KDM4A: variants seen among roughly 807,000 people sequenced by gnomAD.
KDM4A encodes the protein lysine demethylase 4A, also known as lysine-specific demethylase 4A.
KDM4A carries 23 observed loss-of-function variants against 127.1 expected under a neutral mutation model. The ratio of observed to expected loss-of-function variants is 0.18; its 90% CI spans 0.13 to 0.26. The LOEUF is 0.26. KDM4A is among the 10% of genes least tolerant of loss of function. The pLI is 1.00. For synonymous variants in KDM4A, 443 were observed against 466.5 expected, an observed-to-expected ratio of 0.95 and a Z score of 0.65; for missense variants, 890 against 1,329.1, an observed-to-expected ratio of 0.67 and a Z score of 5.14.
Position 43,667,794 on chromosome 1 carries a change from T to G in KDM4A, c.938T>G (p.Val313Gly). The change falls in exon 9 of 22, where the codon GTG (valine) becomes GGG (glycine). Residue 313 changes from valine to glycine, a missense_variant. By Grantham distance (109) the Val-to-Gly change is moderately radical. Transcript: ENST00000372396. ...CAGTGCTCCTGTAGAAAGGACATGG[T>G]GAAGATCTCCATGGATGTGTTTGTG... is the stretch of plus-strand genomic sequence containing the variant. ...AVLCSCRKDM[V>G]KISMDVFVRK... 1 of 1,614,116 alleles carries G rather than the reference T, an allele frequency of 6.2e-7. No homozygotes were observed. Among genetic ancestry groups the G allele is most frequent in the Non-Finnish European group, 8.5e-7 (1 of 1,179,998 alleles).
intron 4 of KDM4A, 152 bp downstream of exon 4, chr1:43,660,564 A>G (rs1660349932): frequency 1.8e-6 from 2 of 1,139,236 alleles, no homozygotes; most frequent in Non-Finnish European, 2.4e-6. Flanking sequence ...GTGCTGGCCT[A>G]ATTGTGGGCC....
chr1:43,683,441 G>T (rs1269164648), intron 11 of KDM4A, among the ~76,000 whole-genome samples: 2 of 152,210 alleles, frequency 1.3e-5, no homozygotes, highest in Non-Finnish European at 2.9e-5. Context: ...GTTTCAGGCT[G>T]CTCCTAAGAA....
chr1:43,664,869 G>C (rs1008047786), intron 5 of KDM4A, among the ~76,000 whole-genome samples: 3 of 152,174 alleles, frequency 2.0e-5, no homozygotes, highest in African/African-American at 7.2e-5. Flanking sequence ...AGAGCCTTCT[G>C]TATAGGGTTG....
intron 4 of KDM4A, among the ~76,000 whole-genome samples, chr1:43,661,576 T>G (rs1233911398): frequency 8.5e-6 from 1 of 118,004 alleles, no homozygotes; most frequent in Admixed American, 1.2e-4. Flanking sequence ...ACCACTGCAC[T>G]CCAGCCTGGG....
At chr1:43,698,194 T>G (rs1390842782) in intron 19 of KDM4A, among the ~76,000 whole-genome samples, 181 bp downstream of exon 19, 1 of 152,200 alleles carries the variant, frequency 6.6e-6, no homozygotes, top group East Asian at 1.9e-4. Flanking sequence ...TGCGTGCTGC[T>G]AGGGTACCCT....
chr1:43,666,453 CTTT>C lies in KDM4A; in HGVS notation c.678_680del (p.Phe227del). On this transcript the variant is annotated inframe_deletion and splice_region_variant, in exon 7 of 22. Transcript: ENST00000372396. Reference sequence around the variant, plus strand: ...ACCTGTACCCTTTCAATTAAATAGGCTTTTTCCCAGGAAGTGCTCAAAGCTGTG... The same window carrying C: ...ACCTGTACCCTTTCAATTAAATAGGCTTCCCAGGAAGTGCTCAAAGCTGTG... 1 of 1,613,834 alleles carries C rather than the reference CTTT, an allele frequency of 6.2e-7. No homozygotes were observed. The highest frequency in any genetic ancestry group is 8.5e-7 in the Non-Finnish European group (1 of 1,179,722).
chr1:43,666,853 C>A, intron 7 of KDM4A, 101 bp from the exon 8 acceptor site: 2 of 1,238,858 alleles, frequency 1.6e-6, no homozygotes, highest in Non-Finnish European at 2.3e-6. Flanking sequence ...GGTTTTATGA[C>A]TTACCCTTTG....
intron 11 of KDM4A, among the ~76,000 whole-genome samples, chr1:43,673,212 G>C (rs1660666545): frequency 6.6e-6 from 1 of 152,124 alleles, no homozygotes; most frequent in Non-Finnish European, 1.5e-5. Context: ...TGGAGCTTAT[G>C]TGGGTCAAGC....
At chr1:43,654,702 AGTGTGTGT>A (rs58710892) in intron 2 of KDM4A, among the ~76,000 whole-genome samples, 4,814 of 131,870 alleles carry the variant, frequency 0.037, 239 homozygotes, top group African/African-American at 0.11. Flanking sequence ...GATGCTTGTG[AGTGTGTGT>A]GTGTGTGTGT....
intron 19 of KDM4A, chr1:43,702,598 T>C (rs553842669): frequency 3.8e-4 from 58 of 152,250 alleles, no homozygotes; most frequent in African/African-American, 1.4e-3. Context: ...CTGAATGAAA[T>C]ATCCCCCCGT....
chr1:43,684,110 C>G (rs1282261525), intron 12 of KDM4A, among the ~76,000 whole-genome samples: 1 of 152,120 alleles, frequency 6.6e-6, no homozygotes, highest in South Asian at 2.1e-4. Flanking sequence ...TGATGCAAAG[C>G]CCTGTGGTGT....
chr1:43,698,154 T>A lies in KDM4A; in HGVS notation c.2841+141T>A, dbSNP rs777559448. 3 of 751,878 alleles carry A rather than the reference T, an allele frequency of 4.0e-6. No individual in the cohort carries two copies. The African/African-American group carries it at 5.3e-5, about 13-fold the overall frequency. The allele number at this position is 751,878 out of a possible 1,614,324, so 46.6% of individuals were successfully genotyped here. The stretch of plus-strand genomic sequence containing the variant: ...CCATGTCCTCAAACAGAAAGAATCA[T>A]CTGTACCAGTCTTTCTTTGCAAAGA... On this transcript the variant is annotated intron_variant, in intron 19 of 21. Transcript: ENST00000372396.
intron 3 of KDM4A, 105 bp from the exon 4 acceptor site, chr1:43,660,193 T>G: frequency 7.9e-7 from 1 of 1,264,176 alleles, no homozygotes; most frequent in Admixed American, 1.9e-5. Flanking sequence ...CTTGTTCATT[T>G]GAAATTCTTG....
At chr1:43,691,199 A>T (rs1661101579) in intron 14 of KDM4A, 150 bp downstream of exon 14, 1 of 804,456 alleles carries the variant, frequency 1.2e-6, no homozygotes, top group African/African-American at 1.7e-5. Flanking sequence ...CACTGTCTCC[A>T]GGGGTCCATA....
At chr1:43,685,228 C>T (rs1225966330) in intron 12 of KDM4A, among the ~76,000 whole-genome samples, 14 of 152,100 alleles carry the variant, frequency 9.2e-5, no homozygotes, top group Non-Finnish European at 2.1e-4. Context: ...GGCACTGAAG[C>T]TCAGGGTGTG....
intron 13 of KDM4A, 187 bp from the exon 14 acceptor site, chr1:43,690,658 G>A: frequency 1.5e-6 from 1 of 648,822 alleles, no homozygotes; most frequent in Non-Finnish European, 2.8e-6. Flanking sequence ...TGATGCTGCT[G>A]TGAGAAACTG....
intron 5 of KDM4A, among the ~76,000 whole-genome samples, chr1:43,664,818 G>C (rs916707570): frequency 1.3e-5 from 2 of 152,160 alleles, no homozygotes; most frequent in Non-Finnish European, 2.9e-5. Context: ...AGGTTTTCCA[G>C]TTATTATATA....
rs557476037 is a variant in KDM4A at position 43,654,455 on chromosome 1, TTTTC to T, written c.139-1132_139-1129del. The stretch of plus-strand genomic sequence containing the variant: ...TTCCTGTGTTGGTTCGTTCATTCTT[TTTTC>T]TTTTTTTTTTTCTTTTTTCCTTTTT... On this transcript the variant is annotated intron_variant, in intron 2 of 21. Coordinates refer to ENST00000372396, the MANE Select transcript of KDM4A (RefSeq NM_014663.3). Among the ~76,000 whole-genome samples, 111 of 152,090 alleles carry T rather than the reference TTTTC, an allele frequency of 7.3e-4. 2 individuals carry two copies. In the South Asian group the frequency reaches 0.022, roughly 31 times the overall value.
chr1:43,651,459 C>G (rs1660111523), intron 1 of KDM4A, among the ~76,000 whole-genome samples: 1 of 152,198 alleles, frequency 6.6e-6, no homozygotes, highest in African/African-American at 2.4e-5. Context: ...TGATAGGAAG[C>G]CTAGGAGATA....
Sources: allele counts gnomAD v4.1 joint callset (sites outside exome capture counted in the v4.1 genomes callset), GRCh38; gene constraint gnomAD v4.1.1; transcripts MANE v1.5; gene names NCBI Gene and HGNC (gene_info 2026-07-23, HGNC 2026-07-21).